ANK2: variants seen among roughly 807,000 people sequenced by gnomAD.
ANK2 encodes the protein ankyrin 2, also known as ankyrin-2.
Under a neutral mutation model 360.5 loss-of-function variants are expected in ANK2, and 83 were observed. That is an observed-to-expected ratio of 0.23 (90% confidence interval 0.19 to 0.28). The LOEUF is 0.28. Among genes scored for constraint, ANK2 ranks in the 10% least tolerant of loss-of-function variants. The pLI, the probability that ANK2 is intolerant of heterozygous loss-of-function variation, is 1.00. For synonymous variants in ANK2, 1,740 were observed against 1,759.5 expected (o/e 0.99, Z 0.28); for missense variants, 4,201 against 4,795.7 (o/e 0.88, Z 3.66).
At chr4:113,292,136 A>G (rs2068003267) in intron 20 of ANK2, among the ~76,000 whole-genome samples, 1 of 152,142 alleles carries the variant, frequency 6.6e-6, no homozygotes, top group African/African-American at 2.4e-5. Flanking sequence ...TTCTTAAGGG[A>G]GCCCTCCTTT....
chr4:112,750,268 C>T, the ANK2 span, among the ~76,000 whole-genome samples: 2 of 151,846 alleles, frequency 1.3e-5, no homozygotes, highest in African/African-American at 2.4e-5. Context: ...CCCATATTCA[C>T]GAGAATCGCT....
Position 113,233,104 on chromosome 4 carries a change from C to CTTTTTTTTTTTTTTTTTTT in ANK2, c.483+846_483+847insTTTTTTTTTTTTTTTTTTT, listed in dbSNP as rs1563056547. Reference sequence around the variant, plus strand: ...ACCAGAGTATATGGGCTTGGCTTTTCTGTTTTTTTTTTTTTTTTTTTTTTT... The same window carrying CTTTTTTTTTTTTTTTTTTT: ...ACCAGAGTATATGGGCTTGGCTTTTCTTTTTTTTTTTTTTTTTTTTGTTTTTTTTTTTTTTTTTTTTTTT... On this transcript the variant is annotated intron_variant, in intron 5 of 45. Coordinates refer to ENST00000357077, the MANE Select transcript of ANK2 (RefSeq NM_001148.6). 6.8e-5 allele frequency among the ~76,000 whole-genome samples: 2 copies of CTTTTTTTTTTTTTTTTTTT among 29,296 alleles called. 1 individual carries two copies. The allele number at this position is 29,296 out of a possible 152,430, so 19.2% of individuals were successfully genotyped here. A position where few individuals can be genotyped will look rare whatever the true frequency, so the allele number is the denominator to read the frequency against.
chr4:113,256,009 C>T lies in ANK2; in HGVS notation c.1188+77C>T, dbSNP rs1456956327. On this transcript the variant is annotated intron_variant, in intron 11 of 45. Coordinates refer to ENST00000357077, the MANE Select transcript of ANK2 (RefSeq NM_001148.6). ...CCACATTCATTGACCAACATGCATACACCAGCAATGCAAGGTTACAGATAT... is the reference window on the plus strand; with the variant it reads ...CCACATTCATTGACCAACATGCATATACCAGCAATGCAAGGTTACAGATAT... 2.7e-6 allele frequency: 4 copies of T among 1,492,658 alleles called. 1 individual carries two copies. The allele number at this position is 1,492,658 out of a possible 1,614,324, so 92.5% of individuals were successfully genotyped here. A position where few individuals can be genotyped will look rare whatever the true frequency, so the allele number is the denominator to read the frequency against.
the ANK2 span, among the ~76,000 whole-genome samples, chr4:112,707,731 C>T: frequency 6.6e-6 from 1 of 152,140 alleles, no homozygotes; most frequent in South Asian, 2.1e-4. Flanking sequence ...AATATGTGCA[C>T]TCAGACATTT....
intron 1 of ANK2, among the ~76,000 whole-genome samples, chr4:113,121,659 G>A (rs1397802420): frequency 1.3e-5 from 2 of 152,122 alleles, no homozygotes; most frequent in Non-Finnish European, 2.9e-5. Context: ...ACTTCAAGAT[G>A]TATTTGCAAA....
intron 1 of ANK2, among the ~76,000 whole-genome samples, chr4:112,885,853 A>T (rs114427505): frequency 0.018 from 2,689 of 151,250 alleles, 43 homozygotes; most frequent in Non-Finnish European, 0.028. Context: ...CCTTCCATTG[A>T]CATTGATACT....
chr4:113,146,195 G>A (rs778280118), intron 1 of ANK2, among the ~76,000 whole-genome samples: 1 of 152,170 alleles, frequency 6.6e-6, no homozygotes, highest in Non-Finnish European at 1.5e-5. Context: ...AATGCCACAT[G>A]TTTGTTTTTT....
intron 1 of ANK2, among the ~76,000 whole-genome samples, chr4:113,147,349 C>A (rs981254201): frequency 6.6e-6 from 1 of 152,194 alleles, no homozygotes; most frequent in African/African-American, 2.4e-5. Context: ...ACTTCTAATG[C>A]AGCTTTCTGA....
chr4:113,307,753 G>C (rs1252348171), intron 23 of ANK2, among the ~76,000 whole-genome samples: 1 of 152,104 alleles, frequency 6.6e-6, no homozygotes, highest in African/African-American at 2.4e-5. Context: ...TGTCCTACAG[G>C]GGTTAAATAT....
At chr4:113,009,188 C>G (rs569223627) in intron 2 of ANK2, among the ~76,000 whole-genome samples, 2 of 152,114 alleles carry the variant, frequency 1.3e-5, no homozygotes, top group African/African-American at 2.4e-5. Context: ...CTGTTGAAAT[C>G]AGAGCAAGAA....
At chr4:112,787,630 C>T in the ANK2 span, among the ~76,000 whole-genome samples, 123 of 152,298 alleles carry the variant, frequency 8.1e-4, 1 homozygote, top group African/African-American at 2.8e-3. Flanking sequence ...TGGGTCAAGA[C>T]GCAGGCTGTG....
the ANK2 span, among the ~76,000 whole-genome samples, chr4:112,734,830 G>A: frequency 3.9e-5 from 6 of 152,212 alleles, no homozygotes; most frequent in South Asian, 1.2e-3. Context: ...TACTTTTATA[G>A]TATTTTGTTG....
chr4:113,377,594 G>A (rs1456287017), intron 45 of ANK2, among the ~76,000 whole-genome samples: 2 of 152,160 alleles, frequency 1.3e-5, no homozygotes, highest in African/African-American at 2.4e-5. Context: ...AATGCTGTAT[G>A]TGTGTCCTCT....
intron 2 of ANK2, among the ~76,000 whole-genome samples, chr4:112,935,953 A>C (rs998683352): frequency 5.3e-5 from 8 of 152,212 alleles, no homozygotes; most frequent in African/African-American, 1.9e-4. Flanking sequence ...ACAAGGAAAG[A>C]CATACAGAAA....
chr4:112,727,746 A>T, the ANK2 span, among the ~76,000 whole-genome samples: 1 of 152,210 alleles, frequency 6.6e-6, no homozygotes, highest in Non-Finnish European at 1.5e-5. Flanking sequence ...TGGGAGGCTG[A>T]GGTGGGCAGA....
At chr4:112,901,992 T>C (rs1461888599) in intron 1 of ANK2, among the ~76,000 whole-genome samples, 1 of 152,044 alleles carries the variant, frequency 6.6e-6, no homozygotes, top group African/African-American at 2.4e-5. Context: ...GCCAGGAAAG[T>C]GCATTTTAAA....
At position 112,912,319 on chromosome 4, in the gene ANK2, C is replaced by T. The variant is rs565943904; in HGVS notation, c.21+7805C>T. Among the ~76,000 whole-genome samples, 17 of 152,190 alleles carry T rather than the reference C, an allele frequency of 1.1e-4. 1 individual carries two copies. Among genetic ancestry groups the T allele is most frequent in the Middle Eastern group, 3.4e-3 (1 of 294 alleles). ...AACCGGTTATGTGAGCCAGTTGTTTCCAAACATACTTATTTTCTATGAAAA... is the reference window on the plus strand; with the variant it reads ...AACCGGTTATGTGAGCCAGTTGTTTTCAAACATACTTATTTTCTATGAAAA... On this transcript the variant is annotated intron_variant, in intron 2 of 30. Transcript: ENST00000503271.
chr4:113,217,252 G>T (rs116537835), intron 4 of ANK2: 1 of 151,780 alleles, frequency 6.6e-6, no homozygotes, highest in African/African-American at 2.4e-5. Context: ...CCTTTTTTCT[G>T]TGGCTGCCAA....
In ANK2 at chr4:112,865,031, CAAAAAAAAAAAAAAAAAAAAAAAAAA is replaced by C. The variant is rs56149739; in HGVS notation, c.-39-39410_-39-39385del. 1.9e-4 allele frequency among the ~76,000 whole-genome samples: 10 copies of C among 52,506 alleles called. No homozygotes were observed. In the South Asian group the frequency reaches 3.1e-3, roughly 16 times the overall value. 34.4% of individuals were successfully genotyped at this position (52,506 alleles called of 152,430 possible). A position where few individuals can be genotyped will look rare whatever the true frequency, so the allele number is the denominator to read the frequency against. On this transcript the variant is annotated intron_variant, in intron 1 of 30. Transcript: ENST00000503271. The stretch of plus-strand genomic sequence containing the variant: ...TGGGCGACAGAGCGAGACTCCATCT[CAAAAAAAAAAAAAAAAAAAAAAAAAA>C]AAAAAAAAAAAAAGGAGTAGAAACC...
Sources: allele counts gnomAD v4.1 joint callset (sites outside exome capture counted in the v4.1 genomes callset), GRCh38; gene constraint gnomAD v4.1.1; transcripts MANE v1.5; gene names NCBI Gene and HGNC (gene_info 2026-07-23, HGNC 2026-07-21).